MGME1: variants seen among roughly 807,000 people sequenced by gnomAD.
The protein encoded by MGME1 is mitochondrial genome maintenance exonuclease 1, also known as chromosome 20 open reading frame 72.
A neutral mutation model predicts 33.0 loss-of-function variants in MGME1; 22 were observed. The observed-to-expected ratio is 0.67, with a 90% CI of 0.48 to 0.95. The LOEUF (loss-of-function observed/expected upper bound fraction) is 0.95, where lower values mean the gene tolerates loss of function less well. Among genes scored for constraint, MGME1 ranks in the 40% least tolerant of loss-of-function variants. The pLI is 0.00. For synonymous variants in MGME1, 133 were observed against 144.0 expected (o/e 0.92, Z 0.55); for missense variants, 383 against 397.8 (o/e 0.96, Z 0.32).
chr20:17,987,863 A>G (rs1264489738), intron 3 of MGME1, among the ~76,000 whole-genome samples: 1 of 151,546 alleles, frequency 6.6e-6, no homozygotes, highest in Non-Finnish European at 1.5e-5. Flanking sequence ...AGGATAGGGG[A>G]TGGGGGGAGG....
intron 2 of MGME1, among the ~76,000 whole-genome samples, chr20:17,975,042 T>A (rs918896691): frequency 4.6e-5 from 7 of 152,202 alleles, no homozygotes; most frequent in Non-Finnish European, 8.8e-5. Flanking sequence ...GCCAGTTAAC[T>A]TATTACATTG....
intron 3 of MGME1, among the ~76,000 whole-genome samples, chr20:17,977,205 G>A (rs1385239403): frequency 3.3e-5 from 5 of 151,778 alleles, no homozygotes; most frequent in Non-Finnish European, 5.9e-5. Flanking sequence ...GCAAAACTCC[G>A]TCTCTACTAA....
chr20:17,990,523 G>A lies in MGME1; in HGVS notation c.*414G>A. Reference sequence around the variant, plus strand: ...CCAGGGTTCACCCAGAGGGGAAGGGGCTACATGCCCCCAGCTGTGTGCAGG... The same window carrying A: ...CCAGGGTTCACCCAGAGGGGAAGGGACTACATGCCCCCAGCTGTGTGCAGG... On this transcript the variant is annotated 3_prime_UTR_variant, in exon 5 of 5. Transcript: ENST00000377710. 1 of 266,564 alleles carries A rather than the reference G, an allele frequency of 3.8e-6. No homozygotes were observed. Among genetic ancestry groups the A allele is most frequent in the South Asian group, 5.6e-5 (1 of 17,776 alleles). 16.5% of individuals were successfully genotyped at this position (266,564 alleles called of 1,614,324 possible).
chr20:17,972,003 C>G (rs1027011063), intron 2 of MGME1, among the ~76,000 whole-genome samples: 9 of 152,184 alleles, frequency 5.9e-5, no homozygotes, highest in Non-Finnish European at 1.0e-4. Context: ...TCCCAGAATA[C>G]TGAGACTACA....
chr20:17,978,688 C>T (rs1220580491), intron 3 of MGME1, among the ~76,000 whole-genome samples: 1 of 152,164 alleles, frequency 6.6e-6, no homozygotes, highest in Non-Finnish European at 1.5e-5. Flanking sequence ...TAAAATATGT[C>T]CATAGCACTG....
chr20:17,968,769 T>C (rs548223667), upstream of MGME1: 2 of 334,720 alleles, frequency 6.0e-6, no homozygotes, highest in Non-Finnish European at 5.5e-6. Context: ...ACGGACACTC[T>C]CCCAGCAAGA....
intron 3 of MGME1, 66 bp from the exon 4 acceptor site, chr20:17,988,100 G>A: frequency 6.8e-7 from 1 of 1,471,520 alleles, no homozygotes; most frequent in Non-Finnish European, 9.2e-7. Context: ...TAAGAGAACT[G>A]TTAACCTAGT....
At chr20:17,989,670 GAAA>G (rs145865670) in intron 4 of MGME1, among the ~76,000 whole-genome samples, 16 of 144,416 alleles carry the variant, frequency 1.1e-4, no homozygotes, top group African/African-American at 4.0e-4. Flanking sequence ...TCTCAAAAAA[GAAA>G]AAAAAAGCAC....
chr20:17,980,104 C>T (rs2035971208), intron 3 of MGME1, among the ~76,000 whole-genome samples: 2 of 152,112 alleles, frequency 1.3e-5, no homozygotes, highest in Non-Finnish European at 2.9e-5. Context: ...TGGCTCACTA[C>T]AACCTCTGCT....
chr20:17,970,001 G>GGTTCTTCTTC lies in MGME1; in HGVS notation c.142_143insGTTCTTCTTC (p.Asp48GlyfsTer10). ...AAAAGTGAACCCATATGAAGAAGTGGACCAAGAAAAATACTCTAATTTAGT... is the reference window on the plus strand; with the variant it reads ...AAAAGTGAACCCATATGAAGAAGTGGGTTCTTCTTCACCAAGAAAAATACTCTAATTTAGT... On this transcript the variant is annotated frameshift_variant, in exon 2 of 5. Coordinates refer to ENST00000377710, the MANE Select transcript of MGME1 (RefSeq NM_052865.4). LOFTEE classifies it high-confidence loss of function. The GGTTCTTCTTC allele has an allele frequency of 6.2e-7, 1 of 1,614,134 alleles. No individual in the cohort carries two copies. Among genetic ancestry groups the GGTTCTTCTTC allele is most frequent in the Non-Finnish European group, 8.5e-7 (1 of 1,180,024 alleles).
At chr20:17,973,665 T>C (rs567637909) in intron 2 of MGME1, among the ~76,000 whole-genome samples, 11 of 152,080 alleles carry the variant, frequency 7.2e-5, no homozygotes, top group African/African-American at 2.2e-4. Flanking sequence ...TTGACAAATG[T>C]AAAGTTGTTT....
intron 3 of MGME1, among the ~76,000 whole-genome samples, chr20:17,980,664 C>T (rs1216479197): frequency 6.6e-6 from 1 of 151,902 alleles, no homozygotes; most frequent in Non-Finnish European, 1.5e-5. Flanking sequence ...AAAAAGTTAG[C>T]CAGGCATGGT....
intron 3 of MGME1, among the ~76,000 whole-genome samples, chr20:17,979,060 GAGCCACTGCACCC>G (rs971220687): frequency 6.0e-5 from 9 of 151,260 alleles, no homozygotes; most frequent in Non-Finnish European, 1.2e-4. Flanking sequence ...TTGTAAGTGT[GAGCCACTGCACCC>G]AGCCTAGAAT....
intron 3 of MGME1, among the ~76,000 whole-genome samples, chr20:17,979,617 C>T (rs1375837181): frequency 7.3e-5 from 11 of 150,622 alleles, no homozygotes; most frequent in South Asian, 6.3e-4. Flanking sequence ...AGGGTTTCAC[C>T]GTGTTAGCCA....
At position 17,990,416 on chromosome 20, in the gene MGME1, G is replaced by GGT. The variant is rs1568619847; in HGVS notation, c.*308_*309insTG. On this transcript the variant is annotated 3_prime_UTR_variant, in exon 5 of 5. Transcript: ENST00000377710. ...GTACTCCCTTGAGGGACATTGGGGG[G>GGT]GGGGGGGCGTGGTCCCAGGCAGGAT... is the stretch of plus-strand genomic sequence containing the variant. 5.8e-6 allele frequency: 2 copies of GGT among 346,032 alleles called. No homozygotes were observed. Among genetic ancestry groups the GGT allele is most frequent in the South Asian group, 3.6e-5 (1 of 27,928 alleles). 21.4% of individuals were successfully genotyped at this position (346,032 alleles called of 1,614,324 possible). A position where few individuals can be genotyped will look rare whatever the true frequency, so the allele number is the denominator to read the frequency against.
intron 3 of MGME1, among the ~76,000 whole-genome samples, chr20:17,981,015 C>T (rs1235841454): frequency 6.6e-6 from 1 of 152,008 alleles, no homozygotes; most frequent in Non-Finnish European, 1.5e-5. Context: ...TTGAACCACC[C>T]GTGGCCAAAG....
Position 17,990,444 on chromosome 20 carries a change from C to A in MGME1, c.*335C>A. ...GGGGGCGTGGTCCCAGGCAGGATGC[C>A]CAGTCTTTGAGCTGAGATTGGAAGG... On this transcript the variant is annotated 3_prime_UTR_variant, in exon 5 of 5. Coordinates refer to ENST00000377710, the MANE Select transcript of MGME1 (RefSeq NM_052865.4). The A allele has an allele frequency of 2.6e-6, 1 of 390,196 alleles. No homozygotes were observed. Among genetic ancestry groups the A allele is most frequent in the South Asian group, 3.1e-5 (1 of 32,502 alleles). 24.2% of individuals were successfully genotyped at this position (390,196 alleles called of 1,614,324 possible).
In MGME1 at chr20:17,990,408, AT is replaced by A; in HGVS notation, c.*301del. On this transcript the variant is annotated 3_prime_UTR_variant, in exon 5 of 5. Coordinates refer to ENST00000377710, the MANE Select transcript of MGME1 (RefSeq NM_052865.4). ...TGACTCTTGTACTCCCTTGAGGGACATTGGGGGGGGGGGGGCGTGGTCCCAG... is the reference window on the plus strand; with the variant it reads ...TGACTCTTGTACTCCCTTGAGGGACATGGGGGGGGGGGGGCGTGGTCCCAG... 1 of 36,560 alleles carries A rather than the reference AT, an allele frequency of 2.7e-5. No homozygotes were observed. The highest frequency in any genetic ancestry group is 6.2e-4 in the South Asian group (1 of 1,602). The allele number at this position is 36,560 out of a possible 1,614,324, so 2.3% of individuals were successfully genotyped here. A position where few individuals can be genotyped will look rare whatever the true frequency, so the allele number is the denominator to read the frequency against.
chr20:17,977,142 G>A (rs965987741), intron 3 of MGME1, among the ~76,000 whole-genome samples: 4 of 151,982 alleles, frequency 2.6e-5, no homozygotes, highest in Admixed American at 1.3e-4. Flanking sequence ...TTGGGAGGCC[G>A]AGGTGGGCAG....
Sources: gnomAD v4.1 joint callset for allele counts (sites outside exome capture counted in the v4.1 genomes callset) on GRCh38, gnomAD v4.1.1 for gene constraint, MANE v1.5 for transcripts, NCBI Gene and HGNC (gene_info 2026-07-23, HGNC 2026-07-21) for gene names.